SPATA6: variants seen among roughly 807,000 people sequenced by gnomAD.
The protein encoded by SPATA6 is spermatogenesis associated 6, also known as spermatogenesis-associated protein 6.
A neutral mutation model predicts 65.3 loss-of-function variants in SPATA6; 56 were observed. The observed-to-expected ratio is 0.86, with a 90% confidence interval of 0.69 to 1.07. The LOEUF (loss-of-function observed/expected upper bound fraction) is 1.07, where lower values mean the gene tolerates loss of function less well. Ranked by LOEUF, SPATA6 falls within the 50% of genes least tolerant of loss-of-function variation. The pLI, the probability that SPATA6 is intolerant of heterozygous loss-of-function variation, is 0.00. For synonymous variants in SPATA6, 199 were observed against 213.2 expected, an observed-to-expected ratio of 0.93 and a Z score of 0.58; for missense variants, 590 against 594.8, an observed-to-expected ratio of 0.99 and a Z score of 0.08.
At chr1:48,470,985 A>G (rs1359581942) in intron 1 of SPATA6, among the ~76,000 whole-genome samples, 2 of 152,158 alleles carry the variant, frequency 1.3e-5, no homozygotes, top group Non-Finnish European at 2.9e-5. Context: ...CGGGGTGTGG[A>G]AAGGGTCTTG....
chr1:48,351,752 T>C (rs1475260512), intron 11 of SPATA6, among the ~76,000 whole-genome samples: 2 of 152,060 alleles, frequency 1.3e-5, no homozygotes, highest in Admixed American at 6.6e-5. Flanking sequence ...GCTTGTAATG[T>C]TGATGTCTGG....
chr1:48,435,717 C>T (rs745574314), intron 3 of SPATA6, among the ~76,000 whole-genome samples: 19 of 152,284 alleles, frequency 1.2e-4, no homozygotes, highest in African/African-American at 3.1e-4. Context: ...TCCAAGCCCA[C>T]GGCCCCGGTC....
At chr1:48,468,617 G>C (rs1168261783) in intron 1 of SPATA6, among the ~76,000 whole-genome samples, 2 of 152,102 alleles carry the variant, frequency 1.3e-5, no homozygotes, top group South Asian at 2.1e-4. Context: ...TGCGAGGGGT[G>C]ATGGAAGTGT....
At chr1:48,287,088 G>T in the SPATA6 span, among the ~76,000 whole-genome samples, 10 of 151,534 alleles carry the variant, frequency 6.6e-5, no homozygotes, top group Non-Finnish European at 1.5e-4. Context: ...TTTGCAGGCT[G>T]TAAGGGAAGG....
intron 11 of SPATA6, among the ~76,000 whole-genome samples, chr1:48,333,219 T>C (rs1397207516): frequency 2.0e-5 from 3 of 152,182 alleles, no homozygotes; most frequent in African/African-American, 4.8e-5. Flanking sequence ...TAGAAGAAGC[T>C]GATTTGCTGA....
At chr1:48,335,416 A>G (rs931039272) in intron 11 of SPATA6, among the ~76,000 whole-genome samples, 2 of 152,054 alleles carry the variant, frequency 1.3e-5, no homozygotes, top group Admixed American at 6.6e-5. Context: ...TAACCAAAAT[A>G]CCATGGTACT....
intron 3 of SPATA6, chr1:48,437,258 C>T (rs1452530685): frequency 6.3e-7 from 1 of 1,595,212 alleles, no homozygotes; most frequent in African/African-American, 1.4e-5. Flanking sequence ...ATATACTTGA[C>T]ACTTTCTCCT....
intron 3 of SPATA6, among the ~76,000 whole-genome samples, chr1:48,447,120 T>C (rs984668294): frequency 1.3e-5 from 2 of 152,198 alleles, no homozygotes; most frequent in Admixed American, 6.5e-5. Flanking sequence ...ATTATAAGAA[T>C]ATAGTATATA....
downstream of SPATA6, among the ~76,000 whole-genome samples, chr1:48,295,099 A>G (rs919493613): frequency 2.0e-5 from 3 of 152,222 alleles, no homozygotes; most frequent in Admixed American, 1.3e-4. Flanking sequence ...GCTTGAATGT[A>G]TAACTTGCCT....
At chr1:48,442,731 A>C (rs1570593252) in intron 3 of SPATA6, among the ~76,000 whole-genome samples, 1 of 149,704 alleles carries the variant, frequency 6.7e-6, no homozygotes, top group Non-Finnish European at 1.5e-5. Context: ...AAAAAAAAAA[A>C]AAAAAAAAAA....
Position 48,414,591 on chromosome 1 carries a change from C to G in SPATA6, c.239-1440G>C, listed in dbSNP as rs576983199. ...ACTCACTGCACCTCCCTCCAGCCAT[C>G]CTGTCCAAACTAAGAGGGGAAAATC... On this transcript the variant is annotated intron_variant, in intron 3 of 12. Transcript: ENST00000371847. 2.6e-5 allele frequency among the ~76,000 whole-genome samples: 4 copies of G among 152,128 alleles called. No individual in the cohort carries two copies. In the East Asian group the frequency reaches 7.7e-4, roughly 29 times the overall value.
chr1:48,311,176 C>A (rs748785339), intron 11 of SPATA6, among the ~76,000 whole-genome samples: 1 of 151,992 alleles, frequency 6.6e-6, no homozygotes, highest in African/African-American at 2.4e-5. Context: ...AAAAGAACAT[C>A]AAACCAAATC....
intron 11 of SPATA6, chr1:48,325,022 C>A: frequency 3.7e-6 from 1 of 270,306 alleles, no homozygotes; most frequent in Admixed American, 4.6e-5. Flanking sequence ...ACTAGCTCCC[C>A]ATCAACCTTC....
chr1:48,281,848 G>T, the SPATA6 span, among the ~76,000 whole-genome samples: 1 of 152,072 alleles, frequency 6.6e-6, no homozygotes, highest in African/African-American at 2.4e-5. Flanking sequence ...AAGTTCATAA[G>T]GAACCAAAAA....
At chr1:48,289,034 A>G in the SPATA6 span, among the ~76,000 whole-genome samples, 2 of 152,230 alleles carry the variant, frequency 1.3e-5, no homozygotes, top group African/African-American at 4.8e-5. Context: ...TCTGAGAACC[A>G]ACAGACTGCC....
chr1:48,367,656 T>C (rs528013439), intron 9 of SPATA6, among the ~76,000 whole-genome samples: 5 of 152,316 alleles, frequency 3.3e-5, no homozygotes, highest in Middle Eastern at 3.4e-3. Context: ...TTGGTAGATC[T>C]TCCTCCATCC....
chr1:48,301,141 TAA>T (rs1041966913), intron 12 of SPATA6, among the ~76,000 whole-genome samples: 2 of 151,980 alleles, frequency 1.3e-5, no homozygotes, highest in African/African-American at 2.4e-5. Context: ...TAGAAAAACA[TAA>T]AGACTCCACC....
intron 6 of SPATA6, chr1:48,400,752 G>T: frequency 1.6e-6 from 2 of 1,284,572 alleles, no homozygotes; most frequent in Non-Finnish European, 2.0e-6. Flanking sequence ...TAGGGCAATG[G>T]TCTATGCATT....
chr1:48,309,242 T>C (rs1384445455), intron 11 of SPATA6, among the ~76,000 whole-genome samples: 1 of 152,176 alleles, frequency 6.6e-6, no homozygotes, highest in Non-Finnish European at 1.5e-5. Context: ...TTACAGTATG[T>C]TGGCATGCTT....
Sources: allele counts gnomAD v4.1 joint callset (sites outside exome capture counted in the v4.1 genomes callset), GRCh38; gene constraint gnomAD v4.1.1; transcripts MANE v1.5; gene names NCBI Gene and HGNC (gene_info 2026-07-23, HGNC 2026-07-21).